Variants in NEBL observed in about 807,000 individuals in gnomAD.
The protein encoded by NEBL is LIM and SH3 protein 2.
Under a neutral mutation model 140.2 loss-of-function variants are expected in NEBL, and 122 were observed. The ratio of observed to expected loss-of-function variants is 0.87; its 90% CI spans 0.75 to 1.01. The LOEUF (loss-of-function observed/expected upper bound fraction) is 1.01. Ranked by LOEUF, NEBL falls within the 50% of genes least tolerant of loss-of-function variation. NEBL has a pLI of 0.00. For synonymous variants in NEBL, 436 were observed against 398.9 expected, an observed-to-expected ratio of 1.09 and a Z score of -1.11; for missense variants, 1,365 against 1,231.3, an observed-to-expected ratio of 1.11 and a Z score of -1.62.
At chr10:20,953,157 C>A (rs901895334) in intron 4 of NEBL, among the ~76,000 whole-genome samples, 1 of 152,088 alleles carries the variant, frequency 6.6e-6, no homozygotes, top group Non-Finnish European at 1.5e-5. Context: ...CCCTAACCAC[C>A]AATGTGACTG....
intron 4 of NEBL, among the ~76,000 whole-genome samples, chr10:20,936,337 AG>A (rs1326740338): frequency 2.8e-4 from 43 of 152,364 alleles, no homozygotes; most frequent in African/African-American, 7.7e-4. Context: ...AATAAAAAAA[AG>A]ATGTGGGCAT....
intron 3 of NEBL, among the ~76,000 whole-genome samples, chr10:21,230,226 T>A (rs1842227682): frequency 6.6e-6 from 1 of 151,788 alleles, no homozygotes; most frequent in South Asian, 2.1e-4. Context: ...TGGGAGTGAG[T>A]CAAGCTGGAT....
At chr10:20,889,287 A>G (rs188970291) in intron 3 of NEBL, among the ~76,000 whole-genome samples, 119 of 152,360 alleles carry the variant, frequency 7.8e-4, no homozygotes, top group African/African-American at 2.8e-3. Context: ...ATGCTCTCAG[A>G]AAGAAACTAC....
chr10:21,110,520 T>C (rs1837948855), intron 2 of NEBL, among the ~76,000 whole-genome samples: 1 of 152,168 alleles, frequency 6.6e-6, no homozygotes, highest in Non-Finnish European at 1.5e-5. Context: ...ATTGGTTCTT[T>C]GTTCCCTATC....
At position 21,172,529 on chromosome 10, in the gene NEBL, C is replaced by A. The variant is rs556636788; in HGVS notation, c.70-52G>T. ...AATACAGTACAATGCCAGTTCTCAC[C>A]AGGATGGGCACAGAAGGAAGGCTTT... On this transcript the variant is annotated intron_variant, in intron 1 of 6. Coordinates refer to the NEBL transcript ENST00000417816. 5.1e-6 allele frequency: 7 copies of A among 1,385,890 alleles called. No homozygotes were observed. In the Admixed American group the frequency reaches 5.2e-5, roughly 10 times the overall value. The allele number at this position is 1,385,890 out of a possible 1,614,324, so 85.8% of individuals were successfully genotyped here.
chr10:21,242,428 G>A (rs370464644), intron 3 of NEBL, among the ~76,000 whole-genome samples: 5 of 151,994 alleles, frequency 3.3e-5, no homozygotes, highest in Non-Finnish European at 4.4e-5. Flanking sequence ...GAAAATACAC[G>A]GACACAAAGA....
chr10:21,091,211 A>G (rs916017578), intron 2 of NEBL, among the ~76,000 whole-genome samples: 3 of 152,218 alleles, frequency 2.0e-5, no homozygotes, highest in Non-Finnish European at 2.9e-5. Context: ...TTAGCTAAGA[A>G]GACTTTAAAT....
chr10:21,232,639 A>G (rs371449623), intron 3 of NEBL, among the ~76,000 whole-genome samples: 23 of 152,316 alleles, frequency 1.5e-4, no homozygotes, highest in Middle Eastern at 3.4e-3. Flanking sequence ...TTGCGCTTCT[A>G]TGAGAATCTA....
upstream of NEBL, among the ~76,000 whole-genome samples, chr10:21,178,271 C>CAT (rs1163829248): frequency 6.6e-6 from 1 of 152,152 alleles, no homozygotes; most frequent in Admixed American, 6.5e-5. Flanking sequence ...ATCCATTCAA[C>CAT]ATATAGTTAT....
At chr10:20,896,935 CA>C (rs767694614) in intron 2 of NEBL, 22 bp downstream of exon 2, 3 of 1,609,350 alleles carry the variant, frequency 1.9e-6, no homozygotes, top group Admixed American at 3.3e-5. Flanking sequence ...CAAAATAAGA[CA>C]AAAATTACTC....
In NEBL at chr10:21,169,312, C is replaced by A. The variant is rs1410812294; in HGVS notation, c.164+3071G>T. Among the ~76,000 whole-genome samples the A allele has an allele frequency of 2.6e-5, 4 of 151,248 alleles. No individual in the cohort carries two copies. In the South Asian group the frequency reaches 6.3e-4, roughly 24 times the overall value. On this transcript the variant is annotated intron_variant, in intron 2 of 6. Transcript: ENST00000417816. ...CATGTATATACATTGACTCCTGAAC[C>A]AAACCAGGTACAGATAAAATATTGC...
At chr10:20,798,881 TC>T (rs1231196419) in intron 26 of NEBL, among the ~76,000 whole-genome samples, 97 of 152,356 alleles carry the variant, frequency 6.4e-4, no homozygotes, top group African/African-American at 2.3e-3. Flanking sequence ...TAGTATTTGA[TC>T]CTTTCCCCAA....
At chr10:21,105,004 T>C (rs1488021727) in intron 2 of NEBL, among the ~76,000 whole-genome samples, 3 of 152,214 alleles carry the variant, frequency 2.0e-5, no homozygotes, top group African/African-American at 7.2e-5. Flanking sequence ...CTTTTTAGTC[T>C]GCTGATATGG....
upstream of NEBL, among the ~76,000 whole-genome samples, chr10:20,897,971 C>A (rs1588974466): frequency 6.6e-6 from 1 of 152,164 alleles, no homozygotes; most frequent in East Asian, 1.9e-4. Context: ...CATAATTTAA[C>A]AATTCTGGAA....
chr10:20,953,506 ATTTTTTT>A (rs146415247), intron 4 of NEBL, among the ~76,000 whole-genome samples: 2 of 119,804 alleles, frequency 1.7e-5, no homozygotes, highest in Non-Finnish European at 3.4e-5. Context: ...ACAAGCCCTA[ATTTTTTT>A]TTTTTTTTTT....
chr10:20,962,462 T>C (rs982774401), intron 3 of NEBL, among the ~76,000 whole-genome samples: 1 of 152,268 alleles, frequency 6.6e-6, no homozygotes, highest in African/African-American at 2.4e-5. Flanking sequence ...CTTGGCATAC[T>C]GTGTGCTGAA....
chr10:20,883,738 G>A (rs1482271178), intron 4 of NEBL, among the ~76,000 whole-genome samples: 1 of 152,092 alleles, frequency 6.6e-6, no homozygotes, highest in Non-Finnish European at 1.5e-5. Flanking sequence ...CATTTTGTGG[G>A]TTATCACAGA....
At chr10:20,819,566 C>T in intron 19 of NEBL, 50 bp from the exon 20 acceptor site, 1 of 1,606,264 alleles carries the variant, frequency 6.2e-7, no homozygotes, top group Non-Finnish European at 8.5e-7. Context: ...ATAAATACGT[C>T]CCAAAACATT....
chr10:21,027,302 A>C lies in NEBL; in HGVS notation c.165-7101T>G, dbSNP rs539884367. On this transcript the variant is annotated intron_variant, in intron 2 of 6. Coordinates refer to the NEBL transcript ENST00000417816. ...ACTAAATATTTAACGTATTATCTTT[A>C]AAAAAAAAACAACAACTTTTTTTGT... Among the ~76,000 whole-genome samples the C allele has an allele frequency of 6.9e-4, 20 of 29,160 alleles. No individual in the cohort carries two copies. The East Asian group carries it at 0.041, about 59-fold the overall frequency. 19.1% of individuals were successfully genotyped at this position (29,160 alleles called of 152,430 possible).
Sources: gnomAD v4.1 joint callset for allele counts (sites outside exome capture counted in the v4.1 genomes callset) on GRCh38, gnomAD v4.1.1 for gene constraint, MANE v1.5 for transcripts, NCBI Gene and HGNC (gene_info 2026-07-23, HGNC 2026-07-21) for gene names.